The following IGF2R variants were observed in gnomAD, a reference collection of about 807,000 sequenced individuals.
IGF2R encodes the protein cation-independent mannose-6-phosphate receptor.
IGF2R carries 91 observed loss-of-function variants against 270.6 expected under a neutral mutation model. That is an observed-to-expected ratio of 0.34 (90% CI 0.28 to 0.40). IGF2R has a LOEUF of 0.40. IGF2R is among the 10% of genes least tolerant of loss of function. IGF2R has a pLI of 1.00. For synonymous variants in IGF2R, 1,316 were observed against 1,258.9 expected (o/e 1.05, Z -0.96); for missense variants, 2,805 against 3,188.3 (o/e 0.88, Z 2.90).
At position 160,020,025 on chromosome 6, in the gene IGF2R, G is replaced by C. The variant is rs1005660136; in HGVS notation, c.514-4547G>C. 5.9e-5 allele frequency among the ~76,000 whole-genome samples: 9 copies of C among 152,270 alleles called. No individual in the cohort carries two copies. The South Asian group carries it at 1.9e-3, about 32-fold the overall frequency. ...AAAGAGACAGTCAACGTGTCTCTGT[G>C]TGCTGATGATATGATCTTATACCTA... On this transcript the variant is annotated intron_variant, in intron 4 of 47. Coordinates refer to ENST00000356956, the MANE Select transcript of IGF2R (RefSeq NM_000876.4).
At chr6:160,092,815 G>A (rs1779257044) in intron 44 of IGF2R, among the ~76,000 whole-genome samples, 1 of 152,198 alleles carries the variant, frequency 6.6e-6, no homozygotes, top group South Asian at 2.1e-4. Context: ...CTCCTACCCT[G>A]CACTCTCGCC....
At position 160,080,407 on chromosome 6, in the gene IGF2R, G is replaced by A. The variant is rs1410911490; in HGVS notation, c.5833+132G>A. 26 of 921,536 alleles carry A rather than the reference G, an allele frequency of 2.8e-5. 1 individual carries two copies. The highest frequency in any genetic ancestry group is 3.8e-5 in the Non-Finnish European group (24 of 628,718). 57.1% of individuals were successfully genotyped at this position (921,536 alleles called of 1,614,324 possible). A position where few individuals can be genotyped will look rare whatever the true frequency, so the allele number is the denominator to read the frequency against. Reference sequence around the variant, plus strand: ...TCTTGCATAAAATATTTTCTTACTCGGGCTGTTTCCCACAGAGAAACGTTT... The same window carrying A: ...TCTTGCATAAAATATTTTCTTACTCAGGCTGTTTCCCACAGAGAAACGTTT... On this transcript the variant is annotated intron_variant, in intron 39 of 47. Transcript: ENST00000356956.
At position 159,998,519 on chromosome 6, in the gene IGF2R, C is replaced by T. The variant is rs144103208; in HGVS notation, c.289+7196C>T. ...GAAGGTGTTTTTAGGAAGCTGGCCC[C>T]GTGGAATAGGAAACGATGCCTACAG... On this transcript the variant is annotated intron_variant, in intron 2 of 47. Coordinates refer to ENST00000356956, the MANE Select transcript of IGF2R (RefSeq NM_000876.4). The surrounding 1 kb of genome is among the most constrained non-coding windows in gnomAD (Gnocchi z 4.1). 2.8e-4 allele frequency among the ~76,000 whole-genome samples: 42 copies of T among 152,176 alleles called. No homozygotes were observed. The highest frequency in any genetic ancestry group is 8.9e-4 in the African/African-American group (37 of 41,520).
intron 44 of IGF2R, among the ~76,000 whole-genome samples, chr6:160,090,861 T>C (rs1192772168): frequency 0.024 from 2,076 of 85,086 alleles, no homozygotes; most frequent in Middle Eastern, 0.14. Flanking sequence ...CTGAGCACAT[T>C]GCCGAGAAGG....
intron 45 of IGF2R, among the ~76,000 whole-genome samples, chr6:160,100,823 C>T (rs1408005727): frequency 1.3e-4 from 10 of 78,956 alleles, no homozygotes; most frequent in South Asian, 4.8e-4. Flanking sequence ...CAGAGACTTG[C>T]TCTTTTGCCC....
In IGF2R at chr6:159,980,176, G is replaced by A. The variant is rs186541990; in HGVS notation, c.149+10781G>A. ...AGCCTGGGCAACACAGTGAGACTCCGTCTCAAAAAAGAAAGAAAGAAAGAA... is the reference window on the plus strand; with the variant it reads ...AGCCTGGGCAACACAGTGAGACTCCATCTCAAAAAAGAAAGAAAGAAAGAA... On this transcript the variant is annotated intron_variant, in intron 1 of 47. Coordinates refer to ENST00000356956, the MANE Select transcript of IGF2R (RefSeq NM_000876.4). Among the ~76,000 whole-genome samples the A allele has an allele frequency of 9.3e-3, 1,050 of 113,016 alleles. 18 individuals carry two copies. Among genetic ancestry groups the A allele is most frequent in the Non-Finnish European group, 9.7e-3 (493 of 50,930 alleles). The allele number at this position is 113,016 out of a possible 152,430, so 74.1% of individuals were successfully genotyped here. A position where few individuals can be genotyped will look rare whatever the true frequency, so the allele number is the denominator to read the frequency against.
intron 6 of IGF2R, 144 bp downstream of exon 6, chr6:160,027,458 T>C: frequency 1.1e-6 from 1 of 951,074 alleles, no homozygotes; most frequent in African/African-American, 1.7e-5. Context: ...GTAAGATTGT[T>C]GGTCATTGCT....
Position 160,073,391 on chromosome 6 carries a change from G to A in IGF2R, c.4869G>A (p.Arg1623=). ...VCRPEARPTN[R]PMLISLDKQT... is the part of the protein sequence containing the mutation. Reference sequence around the variant, plus strand: ...GGCCTGAGGCCAGGCCAACCAATAGGCCCATGCTCATCTCCCTGGACAAGC... The same window carrying A: ...GGCCTGAGGCCAGGCCAACCAATAGACCCATGCTCATCTCCCTGGACAAGC... The change falls in exon 34 of 48, where the codon AGG becomes AGA. Residue 1623 remains arginine, a synonymous_variant. Coordinates refer to ENST00000356956, the MANE Select transcript of IGF2R (RefSeq NM_000876.4). 2 of 1,614,248 alleles carry A rather than the reference G, an allele frequency of 1.2e-6. No individual in the cohort carries two copies. The highest frequency in any genetic ancestry group is 2.2e-5 in the East Asian group (1 of 44,880).
At chr6:160,068,063 GGGGTGTGTGTGTGTGTGTGTGTGTGT>G (rs1420168439) in intron 29 of IGF2R, among the ~76,000 whole-genome samples, 160 bp from the exon 30 acceptor site, 46 of 95,262 alleles carry the variant, frequency 4.8e-4, no homozygotes, top group Admixed American at 3.4e-3. Context: ...ATTCTGATGG[GGGGTGTGTGTGTGTGTGTGTGTGTGT>G]GTGTGTGTGT....
intron 2 of IGF2R, among the ~76,000 whole-genome samples, chr6:159,994,426 T>C (rs1406976961): frequency 1.3e-5 from 2 of 152,068 alleles, no homozygotes; most frequent in African/African-American, 2.4e-5. Context: ...CTTTGCATTT[T>C]TTGGGGGGGG....
chr6:160,070,902 TTA>T (rs1452358751), intron 31 of IGF2R, among the ~76,000 whole-genome samples: 6 of 152,180 alleles, frequency 3.9e-5, no homozygotes, highest in African/African-American at 1.4e-4. Context: ...GTGCAGAGGC[TTA>T]GTCCAGACTC....
chr6:160,050,462 T>G lies in IGF2R; in HGVS notation c.2515-11T>G, dbSNP rs1487904475. ...AGGGGGAAAAGCCTAACAAGACTGG[T>G]TTTCTTGCAGGGCTCCTTCACTGAA... On this transcript the variant is annotated splice_polypyrimidine_tract_variant and intron_variant, in intron 18 of 47. Coordinates refer to ENST00000356956, the MANE Select transcript of IGF2R (RefSeq NM_000876.4). The surrounding 1 kb of genome is among the most constrained non-coding windows in gnomAD (Gnocchi z 4.0). 1.9e-6 allele frequency: 3 copies of G among 1,599,748 alleles called. No individual in the cohort carries two copies. The South Asian group carries it at 3.3e-5, about 18-fold the overall frequency.
Position 160,089,374 on chromosome 6 carries a change from T to C in IGF2R, c.6467+121T>C, listed in dbSNP as rs1779168551. On this transcript the variant is annotated intron_variant, in intron 43 of 47. Coordinates refer to ENST00000356956, the MANE Select transcript of IGF2R (RefSeq NM_000876.4). ...AGGTCTGTGTTTTAGTTACTGTTGCTGGAGTCATCGTCATCTTTTGCTTAA... is the reference window on the plus strand; with the variant it reads ...AGGTCTGTGTTTTAGTTACTGTTGCCGGAGTCATCGTCATCTTTTGCTTAA... The C allele has an allele frequency of 5.9e-6, 5 of 840,504 alleles. No homozygotes were observed. In the South Asian group the frequency reaches 1.0e-4, roughly 17 times the overall value. 52.1% of individuals were successfully genotyped at this position (840,504 alleles called of 1,614,324 possible).
chr6:160,064,999 A>G lies in IGF2R; in HGVS notation c.4115+98A>G, dbSNP rs1778533079. ...TTGGGTGCAGGGGATTAGATTAGTC[A>G]GTTAATTTACCTAGGACTCGGTTTG... On this transcript the variant is annotated intron_variant, in intron 29 of 47. Coordinates refer to ENST00000356956, the MANE Select transcript of IGF2R (RefSeq NM_000876.4). The G allele has an allele frequency of 3.8e-6, 3 of 793,378 alleles. No homozygotes were observed. The Admixed American group carries it at 6.0e-5, about 16-fold the overall frequency. 49.1% of individuals were successfully genotyped at this position (793,378 alleles called of 1,614,324 possible).
chr6:160,047,783 G>A lies in IGF2R; in HGVS notation c.2230-9G>A, dbSNP rs762956034. The A allele has an allele frequency of 4.6e-5, 72 of 1,571,084 alleles. No individual in the cohort carries two copies. Among genetic ancestry groups the A allele is most frequent in the Non-Finnish European group, 5.1e-5 (58 of 1,140,806 alleles). On this transcript the variant is annotated splice_polypyrimidine_tract_variant and intron_variant, in intron 16 of 47. Transcript: ENST00000356956. ...TTTGCCATCCCTCCGCGCATCTGCC[G>A]TGGATTAGGAAGAGGATAACTCCAC...
In IGF2R at chr6:160,109,935, G is replaced by A. The variant is rs774763291; in HGVS notation, c.*4851G>A. The A allele has an allele frequency of 6.6e-6, 1 of 152,186 alleles. No homozygotes were observed. Among genetic ancestry groups the A allele is most frequent in the African/African-American group, 2.4e-5 (1 of 41,438 alleles). The allele number at this position is 152,186 out of a possible 1,614,324, so 9.4% of individuals were successfully genotyped here. ...GGATTGTCATATAGAAACATTTTTC[G>A]CAGTGTGCCCCGTGGAACACTTGTT... On this transcript the variant is annotated 3_prime_UTR_variant, in exon 48 of 48. Transcript: ENST00000356956.
At chr6:160,031,611 TG>T (rs1777698983) in intron 7 of IGF2R, among the ~76,000 whole-genome samples, 1 of 152,126 alleles carries the variant, frequency 6.6e-6, no homozygotes, top group African/African-American at 2.4e-5. Flanking sequence ...TACGGAGCCC[TG>T]GGGTCTGCAT....
rs755443048 is a variant in IGF2R at position 160,064,862 on chromosome 6, A to T, written c.4076A>T (p.Tyr1359Phe). The change falls in exon 29 of 48, where the codon TAT becomes TTT. Residue 1359 changes from tyrosine to phenylalanine, a missense_variant. Around this residue, in one of 2 missense-constraint regions of IGF2R, gnomAD observed 1,851 missense variants for 2,207.2 expected, o/e 0.84. Coordinates refer to ENST00000356956, the MANE Select transcript of IGF2R (RefSeq NM_000876.4). ...CSYLFEWRTQ[Y>F]ACPPFDLTEC... ...TACTTGTTTGAGTGGCGAACGCAGT[A>T]TGCCTGCCCACCTTTCGATCTGACT... 1 of 1,613,614 alleles carries T rather than the reference A, an allele frequency of 6.2e-7. No homozygotes were observed. Among genetic ancestry groups the T allele is most frequent in the Non-Finnish European group, 8.5e-7 (1 of 1,179,462 alleles).
intron 4 of IGF2R, among the ~76,000 whole-genome samples, chr6:160,021,555 G>A (rs1777435541): frequency 6.6e-6 from 1 of 150,640 alleles, no homozygotes; most frequent in Non-Finnish European, 1.5e-5. Context: ...TAACAAACCT[G>A]CACGTTGTGC....
Sources: gnomAD v4.1 joint callset for allele counts (sites outside exome capture counted in the v4.1 genomes callset) on GRCh38, gnomAD v4.1.1 for gene constraint, gnomAD v4.1.1 regional missense constraint, Gnocchi (gnomAD v3.1) non-coding constraint, MANE v1.5 for transcripts, NCBI Gene and HGNC (gene_info 2026-07-23, HGNC 2026-07-21) for gene names.